The following OSBPL5 variants were observed in gnomAD, a reference collection of about 807,000 sequenced individuals.
OSBPL5 encodes oxysterol binding protein like 5.
Under a neutral mutation model 111.2 loss-of-function variants are expected in OSBPL5, and 71 were observed. The ratio of observed to expected loss-of-function variants is 0.64; its 90% CI spans 0.53 to 0.78. The LOEUF (loss-of-function observed/expected upper bound fraction) is 0.78. OSBPL5 is among the 30% of genes least tolerant of loss of function. OSBPL5 has a pLI of 0.00. For synonymous variants in OSBPL5, 549 were observed against 513.9 expected (o/e 1.07, Z -0.93); for missense variants, 1,210 against 1,189.3 (o/e 1.02, Z -0.26).
intron 20 of OSBPL5, 51 bp from the exon 21 acceptor site, chr11:3,089,999 A>G (rs1857003732): frequency 7.1e-7 from 1 of 1,408,936 alleles, no homozygotes; most frequent in East Asian, 2.5e-5. Flanking sequence ...AGTGAGGATG[A>G]GCTGGAGGTC....
intron 12 of OSBPL5, 147 bp from the exon 13 acceptor site, chr11:3,101,846 G>A: frequency 1.4e-6 from 1 of 720,386 alleles, no homozygotes; most frequent in East Asian, 2.7e-5. Flanking sequence ...GGCCTTCCTG[G>A]CTCTCGCTTA....
chr11:3,094,358 G>A, intron 14 of OSBPL5, 24 bp from the exon 15 acceptor site: 1 of 1,599,092 alleles, frequency 6.3e-7, no homozygotes, highest in Non-Finnish European at 8.5e-7. Context: ...AGTGTCAGGG[G>A]CCAGGCGGCC....
intron 1 of OSBPL5, among the ~76,000 whole-genome samples, chr11:3,129,788 T>TG (rs1858763573): frequency 6.6e-6 from 1 of 152,216 alleles, no homozygotes; most frequent in Non-Finnish European, 1.5e-5. Flanking sequence ...GAGGGAGCTC[T>TG]GGGCGCTCAC....
rs991928345 is a variant in OSBPL5 at position 3,141,968 on chromosome 11, A to C, written c.-21-12799T>G. 1.3e-5 allele frequency among the ~76,000 whole-genome samples: 2 copies of C among 152,178 alleles called. No individual in the cohort carries two copies. The highest frequency in any genetic ancestry group is 2.9e-5 in the Non-Finnish European group (2 of 68,028). On this transcript the variant is annotated intron_variant, in intron 1 of 21. Transcript: ENST00000263650. This position sits in a 1 kb window ranked among gnomAD's most constrained non-coding sequence, Gnocchi z 6.5. ...CGCTCTGTTGCCCAGACTGGAGTAC[A>C]ATGGCACGATCTTGGCTCACTGCAA...
Position 3,106,563 on chromosome 11 carries a change from G to T in OSBPL5, c.1059+700C>A, listed in dbSNP as rs1857702353. Among the ~76,000 whole-genome samples the T allele has an allele frequency of 6.6e-6, 1 of 152,198 alleles. No individual in the cohort carries two copies. The highest frequency in any genetic ancestry group is 2.4e-5 in the African/African-American group (1 of 41,464). On this transcript the variant is annotated intron_variant, in intron 9 of 21. Transcript: ENST00000263650. This position sits in a 1 kb window ranked among gnomAD's most constrained non-coding sequence, Gnocchi z 8.4. ...TCTCTCCAGCTGCGGGGAGTCAGCT[G>T]CCCTGGCTGTTCATCTGCAGGCATG...
intron 2 of OSBPL5, among the ~76,000 whole-genome samples, chr11:3,128,310 G>A (rs1179624656): frequency 6.6e-6 from 1 of 152,224 alleles, no homozygotes; most frequent in Non-Finnish European, 1.5e-5. Context: ...AGAGGGGGCA[G>A]AGCTGGGGAG....
chr11:3,113,828 C>T lies in OSBPL5; in HGVS notation c.691+5719G>A, dbSNP rs1458573567. ...CAGGTAAACTATAAACTAAGTTCCT[C>T]CCAAAGTTAGTTTGACCTATGCCCA... On this transcript the variant is annotated intron_variant, in intron 7 of 21. Transcript: ENST00000263650. This position sits in a 1 kb window ranked among gnomAD's most constrained non-coding sequence, Gnocchi z 4.8. 2.6e-5 allele frequency among the ~76,000 whole-genome samples: 4 copies of T among 152,122 alleles called. No individual in the cohort carries two copies. The highest frequency in any genetic ancestry group is 5.9e-5 in the Non-Finnish European group (4 of 68,022).
intron 1 of OSBPL5, among the ~76,000 whole-genome samples, chr11:3,131,959 AT>A: frequency 3.6e-5 from 2 of 56,244 alleles, no homozygotes; most frequent in African/African-American, 1.4e-4. Context: ...CCATCCATCC[AT>A]CCATCCATCC....
At chr11:3,164,156 C>T (rs545559420) in intron 1 of OSBPL5, 1 of 152,322 alleles carries the variant, frequency 6.6e-6, no homozygotes, top group South Asian at 2.1e-4. Flanking sequence ...GGGGTGGGAC[C>T]CTTACAGAAG....
At chr11:3,095,307 T>C (rs1405874613) in intron 14 of OSBPL5, among the ~76,000 whole-genome samples, 4 of 95,950 alleles carry the variant, frequency 4.2e-5, no homozygotes, top group African/African-American at 1.8e-4. Context: ...TGAGACTCTG[T>C]CTCAAAAAAA....
chr11:3,101,137 G>A (rs1293393053), intron 13 of OSBPL5, among the ~76,000 whole-genome samples: 1 of 151,964 alleles, frequency 6.6e-6, no homozygotes, highest in Non-Finnish European at 1.5e-5. Context: ...ACCATGCCCG[G>A]CTAACTTTTG....
chr11:3,152,355 A>G (rs1448131464), intron 1 of OSBPL5, among the ~76,000 whole-genome samples: 1 of 152,254 alleles, frequency 6.6e-6, no homozygotes, highest in African/African-American at 2.4e-5. Context: ...AAGTGAGTTG[A>G]TTTATTAAAG....
Position 3,104,037 on chromosome 11 carries a change from G to T in OSBPL5, c.1244+156C>A, listed in dbSNP as rs1446725451. 6.6e-6 allele frequency among the ~76,000 whole-genome samples: 1 copy of T among 152,196 alleles called. No individual in the cohort carries two copies. Among genetic ancestry groups the T allele is most frequent in the Non-Finnish European group, 1.5e-5 (1 of 68,038 alleles). ...CTCCCAGGCCCATCTTGGAGACAGG[G>T]CCCCCTGGGAGGCTACAGCTGCAGA... is the stretch of plus-strand genomic sequence containing the variant. On this transcript the variant is annotated intron_variant, in intron 10 of 21. Coordinates refer to ENST00000263650, the MANE Select transcript of OSBPL5 (RefSeq NM_020896.4). The surrounding 1 kb of genome is among the most constrained non-coding windows in gnomAD (Gnocchi z 5.0).
At position 3,093,565 on chromosome 11, in the gene OSBPL5, C is replaced by T. The variant is rs200519835; in HGVS notation, c.1908G>A (p.Thr636=). ...EVRRQRLRQH[T]VPLEEQTELE... is the part of the protein sequence containing the mutation. ...GCTCCGTCTGCTCCTCCAGCGGCAC[C>T]GTGTGCTGCCTCAGCCTCTGTCTGC... The change falls in exon 17 of 22, where the codon ACG becomes ACA. Residue 636 remains threonine (T), a synonymous_variant. Transcript: ENST00000263650. The T allele has an allele frequency of 5.9e-5, 95 of 1,611,750 alleles. No homozygotes were observed. The highest frequency in any genetic ancestry group is 8.9e-5 in the East Asian group (4 of 44,876).
intron 3 of OSBPL5, among the ~76,000 whole-genome samples, chr11:3,124,811 A>AATGGATGGATGGATGAATGG (rs1554901140): frequency 2.0e-5 from 3 of 150,666 alleles, no homozygotes; most frequent in African/African-American, 7.3e-5. Flanking sequence ...TGAATGGATG[A>AATGGATGGATGGATGAATGG]ATGGATGGAT....
At chr11:3,099,955 C>A (rs1028448128) in intron 14 of OSBPL5, among the ~76,000 whole-genome samples, 4 of 146,626 alleles carry the variant, frequency 2.7e-5, no homozygotes, top group African/African-American at 5.1e-5. Flanking sequence ...GTAATCCCAG[C>A]TACTTGGAGC....
intron 10 of OSBPL5, among the ~76,000 whole-genome samples, chr11:3,103,756 G>GCCTGCGTACCCCCTTCCTGC (rs570227138): frequency 1.8e-5 from 1 of 56,804 alleles, no homozygotes; most frequent in Non-Finnish European, 3.8e-5. Context: ...CCCTCTTCCA[G>GCCTGCGTACCCCCTTCCTGC]CTCTGCAGCC....
chr11:3,108,137 T>C (rs911720710), intron 7 of OSBPL5, among the ~76,000 whole-genome samples, 192 bp from the exon 8 acceptor site: 1 of 151,996 alleles, frequency 6.6e-6, no homozygotes, highest in African/African-American at 2.4e-5. Context: ...CTGCAGATTG[T>C]GTGGGGGCAG....
At position 3,105,701 on chromosome 11, in the gene OSBPL5, C is replaced by T. The variant is rs1289703692; in HGVS notation, c.1060-1324G>A. ...CTCCTGGATCCTCCCACCTCCCTGC[C>T]CCACCTCTGTGAAGCCTTATCTGTG... On this transcript the variant is annotated intron_variant, in intron 9 of 21. Transcript: ENST00000263650. The surrounding 1 kb of genome is among the most constrained non-coding windows in gnomAD (Gnocchi z 5.2). Among the ~76,000 whole-genome samples, 1 of 152,162 alleles carries T rather than the reference C, an allele frequency of 6.6e-6. No homozygotes were observed. Among genetic ancestry groups the T allele is most frequent in the Non-Finnish European group, 1.5e-5 (1 of 68,026 alleles).
Sources: gnomAD v4.1 joint callset for allele counts (sites outside exome capture counted in the v4.1 genomes callset) on GRCh38, gnomAD v4.1.1 for gene constraint, Gnocchi (gnomAD v3.1) non-coding constraint, MANE v1.5 for transcripts, NCBI Gene and HGNC (gene_info 2026-07-23, HGNC 2026-07-21) for gene names.